Variants in NOL11 observed in about 807,000 individuals in gnomAD.
The protein encoded by NOL11 is nucleolar protein 11.
In NOL11, 42 loss-of-function variants were observed where a neutral mutation model predicts 93.0. The observed-to-expected ratio is 0.45, with a 90% CI of 0.35 to 0.58. The LOEUF is 0.58. Among genes scored for constraint, NOL11 ranks in the 20% least tolerant of loss-of-function variants. The probability of loss-of-function intolerance (pLI) is 0.00; values close to 1 mark genes in which losing one functional copy is unlikely to be tolerated. For missense variants in NOL11, 775 were observed against 841.8 expected, an observed-to-expected ratio of 0.92 and a Z score of 0.98; for synonymous variants, 296 against 293.7, an observed-to-expected ratio of 1.01 and a Z score of -0.08.
chr17:67,719,835 A>G, intron 2 of NOL11, 48 bp downstream of exon 2: 1 of 1,478,674 alleles, frequency 6.8e-7, no homozygotes, highest in Non-Finnish European at 9.2e-7. Flanking sequence ...AATGTTGATT[A>G]TTAACTATTT....
In NOL11 at chr17:67,726,696, C is replaced by T. The variant is rs114599593; in HGVS notation, c.853+48C>T. ...AGAAGGCCTTTGTATGTTTCCTTCACGGTGTACCTTTTAGTCTTCCTTTTC... is the reference window on the plus strand; with the variant it reads ...AGAAGGCCTTTGTATGTTTCCTTCATGGTGTACCTTTTAGTCTTCCTTTTC... On this transcript the variant is annotated intron_variant, in intron 7 of 17. Transcript: ENST00000253247. 2,574 of 1,356,432 alleles carry T rather than the reference C, an allele frequency of 1.9e-3. 48 individuals are homozygous for T. The African/African-American group carries it at 0.035, about 18-fold the overall frequency. The allele number at this position is 1,356,432 out of a possible 1,614,324, so 84.0% of individuals were successfully genotyped here.
chr17:67,736,667 A>G lies in NOL11; in HGVS notation c.1056A>G (p.Gly352=). Residue 352 remains glycine (G), a splice_region_variant and synonymous_variant, in exon 10 of 18, where the codon GGA becomes GGG. Transcript: ENST00000253247. ...LGKLKHSQDP[G]THVVSHFVNW... ...ATTGTGCATTTTGCATTTTCTTAGG[A>G]ACTCATGTCGTGTCCCATTTTGTAA... is the stretch of plus-strand genomic sequence containing the variant. The G allele has an allele frequency of 6.2e-7, 1 of 1,602,622 alleles. No individual in the cohort carries two copies. Among genetic ancestry groups the G allele is most frequent in the Non-Finnish European group, 8.5e-7 (1 of 1,172,696 alleles).
At chr17:67,733,445 CCT>C (rs1197522798) in intron 7 of NOL11, among the ~76,000 whole-genome samples, 2 of 152,090 alleles carry the variant, frequency 1.3e-5, no homozygotes, top group Non-Finnish European at 2.9e-5. Flanking sequence ...TGAAAATAAG[CCT>C]CCATGTCTTG....
At chr17:67,734,959 A>G (rs2055187994) in intron 8 of NOL11, among the ~76,000 whole-genome samples, 1 of 152,232 alleles carries the variant, frequency 6.6e-6, no homozygotes, top group Non-Finnish European at 1.5e-5. Context: ...GCTATTTAAT[A>G]AAACAGCTTT....
intron 3 of NOL11, among the ~76,000 whole-genome samples, chr17:67,720,726 A>T (rs1316753714): frequency 6.6e-6 from 1 of 152,210 alleles, no homozygotes; most frequent in Admixed American, 6.5e-5. Context: ...TAAAATGAGG[A>T]TCTTAAACTA....
intron 8 of NOL11, among the ~76,000 whole-genome samples, chr17:67,734,940 G>GAACA (rs1270489162): frequency 6.6e-6 from 1 of 152,184 alleles, no homozygotes; most frequent in African/African-American, 2.4e-5. Flanking sequence ...ATTTTTGCCA[G>GAACA]AACAATTAGC....
rs958829203 is a variant in NOL11 at position 67,733,011 on chromosome 17, C to T, written c.854-1352C>T. On this transcript the variant is annotated intron_variant, in intron 7 of 17. Coordinates refer to ENST00000253247, the MANE Select transcript of NOL11 (RefSeq NM_015462.5). Reference sequence around the variant, plus strand: ...TGCTAATCTTTTCCTGTGGATTCTTCGAGATCTCTATACAGGATCATGTCA... The same window carrying T: ...TGCTAATCTTTTCCTGTGGATTCTTTGAGATCTCTATACAGGATCATGTCA... Among the ~76,000 whole-genome samples, 19 of 152,164 alleles carry T rather than the reference C, an allele frequency of 1.2e-4. No homozygotes were observed. The South Asian group carries it at 1.7e-3, about 13-fold the overall frequency.
intron 6 of NOL11, 138 bp downstream of exon 6, chr17:67,724,331 AC>A (rs1357006935): frequency 2.6e-5 from 10 of 384,624 alleles, no homozygotes; most frequent in South Asian, 1.2e-4. Flanking sequence ...TCATGCCTTC[AC>A]TTTTTTTTTT....
In NOL11 at chr17:67,737,779, G is replaced by C. The variant is rs377673303; in HGVS notation, c.1404-68G>C. The stretch of plus-strand genomic sequence containing the variant: ...TCTAATCTTCTGAAACTCTCAAAAG[G>C]CTTATAAATGTTCTGCAGTTGAGAA... On this transcript the variant is annotated intron_variant, in intron 12 of 17. Transcript: ENST00000253247. 80 of 1,582,934 alleles carry C rather than the reference G, an allele frequency of 5.1e-5. No individual in the cohort carries two copies. In the East Asian group the frequency reaches 1.6e-3, roughly 32 times the overall value.
At chr17:67,736,783 T>G in intron 10 of NOL11, 29 bp downstream of exon 10, 1 of 1,439,436 alleles carries the variant, frequency 6.9e-7, no homozygotes, top group Non-Finnish European at 9.7e-7. Context: ...ATTGAAACAT[T>G]AGTGCAAATG....
chr17:67,739,060 G>C (rs748989262), intron 15 of NOL11, 50 bp downstream of exon 15: 1 of 1,252,616 alleles, frequency 8.0e-7, no homozygotes, highest in East Asian at 2.3e-5. Context: ...TTTAAATATT[G>C]CTATTTAACT....
intron 7 of NOL11, 85 bp downstream of exon 7, chr17:67,726,733 G>A (rs3744268): frequency 0.85 from 897,116 of 1,051,808 alleles, 384,419 homozygotes; most frequent in Non-Finnish European, 0.88. Flanking sequence ...TTTTCATTTC[G>A]TTATTACCCA....
In NOL11 at chr17:67,726,472, G is replaced by A. The variant is rs780086951; in HGVS notation, c.677G>A (p.Cys226Tyr). The change falls in exon 7 of 18, where the codon TGT (cysteine) becomes TAT (tyrosine). Residue 226 changes from cysteine (C) to tyrosine (Y), a missense_variant. Physicochemically the swap from Cys to Tyr is radical, Grantham distance 194. Transcript: ENST00000253247. Reference protein sequence around the residue: ...ISLMSLSSDGCIYETLIPIRP... With the variant: ...ISLMSLSSDGYIYETLIPIRP... ...TTGTTTCCAACAGGCTCTGATGGTT[G>A]TATATATGAAACCTTGATACCAATA... 1.2e-6 allele frequency: 2 copies of A among 1,611,556 alleles called. No homozygotes were observed. Among genetic ancestry groups the A allele is most frequent in the South Asian group, 1.1e-5 (1 of 90,724 alleles).
chr17:67,726,653 C>T lies in NOL11; in HGVS notation c.853+5C>T, dbSNP rs767448347. The T allele has an allele frequency of 1.6e-5, 25 of 1,570,380 alleles. No homozygotes were observed. The highest frequency in any genetic ancestry group is 1.7e-4 in the Middle Eastern group (1 of 5,904). On this transcript the variant is annotated splice_donor_5th_base_variant and intron_variant, in intron 7 of 17. Transcript: ENST00000253247. ...GTCCACTAGCAGCTTCTAAGGGTAA[C>T]TGACATCCAATTCATTAAGAAGGCC...
chr17:67,737,405 G>A (rs2055212190), intron 11 of NOL11, 103 bp from the exon 12 acceptor site: 1 of 983,322 alleles, frequency 1.0e-6, no homozygotes, highest in Non-Finnish European at 1.5e-6. Flanking sequence ...AGGAATGCAT[G>A]ATAACTGTTA....
intron 7 of NOL11, among the ~76,000 whole-genome samples, chr17:67,728,032 G>A (rs2055115052): frequency 6.6e-6 from 1 of 152,028 alleles, no homozygotes; most frequent in East Asian, 1.9e-4. Context: ...AGGCCAAGAC[G>A]GGCTGATCAC....
At chr17:67,740,328 T>C (rs1030859495) in intron 16 of NOL11, among the ~76,000 whole-genome samples, 1 of 150,766 alleles carries the variant, frequency 6.6e-6, no homozygotes, top group Non-Finnish European at 1.5e-5. Context: ...ATAATACTTA[T>C]GCTGGGTGCG....
chr17:67,740,797 T>C (rs61602831), intron 16 of NOL11: 14,796 of 154,590 alleles, frequency 0.096, 811 homozygotes, highest in Middle Eastern at 0.16. Context: ...CCATCCCACA[T>C]AGAAGCAGTA....
chr17:67,720,825 A>G lies in NOL11; in HGVS notation c.313-553A>G, dbSNP rs546606097. ...GGCTCACAATAGGGTTAATTCAGAT[A>G]TAATGCAGTTGTTGCCTGGATCCTT... On this transcript the variant is annotated intron_variant, in intron 3 of 17. Transcript: ENST00000253247. Among the ~76,000 whole-genome samples, 8 of 152,364 alleles carry G rather than the reference A, an allele frequency of 5.3e-5. No individual in the cohort carries two copies. The South Asian group carries it at 1.4e-3, about 28-fold the overall frequency.
Sources: gnomAD v4.1 joint callset for allele counts (sites outside exome capture counted in the v4.1 genomes callset) on GRCh38, gnomAD v4.1.1 for gene constraint, MANE v1.5 for transcripts, NCBI Gene and HGNC (gene_info 2026-07-23, HGNC 2026-07-21) for gene names.